CSMD1: variants seen among roughly 807,000 people sequenced by gnomAD.
CSMD1 encodes CUB and Sushi multiple domains 1.
In CSMD1, 213 loss-of-function variants were observed where a neutral mutation model predicts 417.5. The ratio of observed to expected loss-of-function variants is 0.51; its 90% CI spans 0.46 to 0.57. The LOEUF is 0.57. Among genes scored for constraint, CSMD1 ranks in the 20% least tolerant of loss-of-function variants. The pLI is 0.00. For synonymous variants in CSMD1, 2,862 were observed against 1,736.8 expected (o/e 1.65, Z -16.11); for missense variants, 6,923 against 4,529.7 (o/e 1.53, Z -15.17).
intron 3 of CSMD1, among the ~76,000 whole-genome samples, chr8:4,201,083 G>T (rs1020837015): frequency 6.6e-6 from 1 of 152,086 alleles, no homozygotes; most frequent in Non-Finnish European, 1.5e-5. Context: ...ATAACCTTGG[G>T]CCAATGTCTT....
At chr8:3,232,621 A>G (rs945789044) in intron 26 of CSMD1, among the ~76,000 whole-genome samples, 4 of 152,302 alleles carry the variant, frequency 2.6e-5, no homozygotes, top group African/African-American at 9.6e-5. Flanking sequence ...TTTCACTTCC[A>G]AACAGCATGC....
chr8:4,070,585 C>T (rs1799500792), intron 3 of CSMD1, among the ~76,000 whole-genome samples: 2 of 152,088 alleles, frequency 1.3e-5, no homozygotes, highest in African/African-American at 4.8e-5. Flanking sequence ...TCTCGTTCTC[C>T]TGACCTCGTG....
intron 5 of CSMD1, among the ~76,000 whole-genome samples, chr8:3,951,463 C>A (rs1283283667): frequency 6.6e-6 from 1 of 152,158 alleles, no homozygotes; most frequent in Admixed American, 6.6e-5. Flanking sequence ...GTATTTTCCT[C>A]CGCTTGTGGG....
chr8:3,116,931 C>T (rs1305488511), intron 42 of CSMD1, among the ~76,000 whole-genome samples: 4 of 152,030 alleles, frequency 2.6e-5, no homozygotes, highest in African/African-American at 9.7e-5. Flanking sequence ...TAATGAAAAA[C>T]AGCCCAGATA....
intron 3 of CSMD1, among the ~76,000 whole-genome samples, chr8:4,218,323 A>T (rs1800808366): frequency 6.6e-6 from 1 of 152,230 alleles, no homozygotes; most frequent in Admixed American, 6.5e-5. Context: ...TAGCCTATTC[A>T]TTAATGCAGA....
At chr8:3,231,071 G>A (rs1002869045) in intron 26 of CSMD1, among the ~76,000 whole-genome samples, 1 of 152,092 alleles carries the variant, frequency 6.6e-6, no homozygotes, top group Non-Finnish European at 1.5e-5. Flanking sequence ...ATCACAGAAG[G>A]CTACCGCAAG....
chr8:4,727,341 A>G (rs954905616), intron 1 of CSMD1, among the ~76,000 whole-genome samples: 1 of 152,248 alleles, frequency 6.6e-6, no homozygotes, highest in Non-Finnish European at 1.5e-5. Flanking sequence ...AACAAAGACC[A>G]TGAAATAAAA....
chr8:4,532,888 G>T (rs759148228), intron 2 of CSMD1, among the ~76,000 whole-genome samples: 1 of 149,986 alleles, frequency 6.7e-6, no homozygotes, highest in Non-Finnish European at 1.5e-5. Context: ...GAGAAATCCT[G>T]CACCCCCATT....
At chr8:3,634,071 G>A (rs1309544306) in intron 7 of CSMD1, among the ~76,000 whole-genome samples, 1 of 151,814 alleles carries the variant, frequency 6.6e-6, no homozygotes, top group African/African-American at 2.4e-5. Flanking sequence ...TGGGTAGGGG[G>A]TGGTGGGGGG....
At chr8:3,304,967 T>TCAAAGCCATTGGAAGTGGTTTTTAC (rs1434043325) in intron 25 of CSMD1, among the ~76,000 whole-genome samples, 1 of 152,210 alleles carries the variant, frequency 6.6e-6, no homozygotes, top group African/African-American at 2.4e-5. Context: ...CTTTTCAAAA[T>TCAAAGCCATTGGAAGTGGTTTTTAC]CAAAGCCATT....
chr8:4,492,241 G>T (rs1154092), intron 2 of CSMD1, among the ~76,000 whole-genome samples: 19,024 of 152,124 alleles, frequency 0.13, 1,420 homozygotes, highest in African/African-American at 0.21. Flanking sequence ...AGGCATATGT[G>T]AGCATGCTCA....
chr8:4,634,330 T>C (rs1419877919), intron 2 of CSMD1, among the ~76,000 whole-genome samples: 1 of 152,202 alleles, frequency 6.6e-6, no homozygotes, highest in African/African-American at 2.4e-5. Context: ...TTCTAAAGTA[T>C]ATATTCTGTT....
chr8:4,817,038 T>C (rs1799248350), intron 1 of CSMD1, among the ~76,000 whole-genome samples: 1 of 152,180 alleles, frequency 6.6e-6, no homozygotes, highest in South Asian at 2.1e-4. Flanking sequence ...GAAATGCGTG[T>C]TAAGATTTAT....
intron 47 of CSMD1, among the ~76,000 whole-genome samples, chr8:3,094,966 G>A (rs1278115544): frequency 6.6e-6 from 1 of 152,084 alleles, no homozygotes; most frequent in Non-Finnish European, 1.5e-5. Context: ...ACTGATTTCT[G>A]ATAATTTTGA....
intron 2 of CSMD1, among the ~76,000 whole-genome samples, chr8:4,422,261 G>A (rs1447141506): frequency 1.3e-5 from 2 of 152,042 alleles, no homozygotes; most frequent in Non-Finnish European, 2.9e-5. Context: ...AAGTGTAAGT[G>A]GATAGAATGC....
chr8:4,713,317 C>CA (rs1808428617), intron 1 of CSMD1, among the ~76,000 whole-genome samples: 1 of 152,196 alleles, frequency 6.6e-6, no homozygotes, highest in Non-Finnish European at 1.5e-5. Flanking sequence ...CTTAAAGACC[C>CA]ATCCGGTGGT....
At chr8:4,213,837 G>A (rs1172305283) in intron 3 of CSMD1, among the ~76,000 whole-genome samples, 2 of 152,172 alleles carry the variant, frequency 1.3e-5, no homozygotes, top group Non-Finnish European at 2.9e-5. Flanking sequence ...GACAGTTATT[G>A]AACCCCAGTG....
At position 4,248,696 on chromosome 8, in the gene CSMD1, C is replaced by T. The variant is rs552315899; in HGVS notation, c.415+171257G>A. ...CCTGTCCTGCCCTAGACATTACCAA[C>T]ACTTGTATCCTGCTCTTCTTTTTGG... On this transcript the variant is annotated intron_variant, in intron 3 of 69. Transcript: ENST00000635120. 2.0e-4 allele frequency among the ~76,000 whole-genome samples: 30 copies of T among 152,286 alleles called. No individual in the cohort carries two copies. The Middle Eastern group carries it at 0.031, about 155-fold the overall frequency.
chr8:4,132,183 T>C (rs117708146), intron 3 of CSMD1, among the ~76,000 whole-genome samples: 1,874 of 143,240 alleles, frequency 0.013, 22 homozygotes, highest in Non-Finnish European at 0.021. Context: ...CGGGTAAAAT[T>C]TGTCATGGAT....
Sources: gnomAD v4.1 joint callset for allele counts (sites outside exome capture counted in the v4.1 genomes callset) on GRCh38, gnomAD v4.1.1 for gene constraint, MANE v1.5 for transcripts, NCBI Gene and HGNC (gene_info 2026-07-23, HGNC 2026-07-21) for gene names.